Variants in ENOX2 observed in about 807,000 individuals in gnomAD.
ENOX2 encodes the protein ecto-NOX disulfide-thiol exchanger 2, also known as APK1 antigen.
Under a neutral mutation model 45.0 loss-of-function variants are expected in ENOX2, and 36 were observed. The ratio of observed to expected loss-of-function variants is 0.80; its 90% confidence interval spans 0.61 to 1.06. The LOEUF (loss-of-function observed/expected upper bound fraction) is 1.06, where lower values mean the gene tolerates loss of function less well. Ranked by LOEUF, ENOX2 falls within the 50% of genes least tolerant of loss-of-function variation. The pLI is 0.00. For missense variants in ENOX2, 423 were observed against 462.5 expected, an observed-to-expected ratio of 0.91 and a Z score of 0.78; for synonymous variants, 174 against 152.3, an observed-to-expected ratio of 1.14 and a Z score of -1.05.
intron 2 of ENOX2, among the ~76,000 whole-genome samples, chrX:130,864,514 T>C (rs755016972): frequency 8.9e-6 from 1 of 112,045 alleles, no homozygotes; most frequent in Non-Finnish European, 1.9e-5. Context: ...GCTGCTTTAA[T>C]GTGCTAAGTT....
chrX:130,713,686 T>C (rs773362130), intron 3 of ENOX2, among the ~76,000 whole-genome samples: 1 of 111,217 alleles, frequency 9.0e-6, no homozygotes, highest in South Asian at 3.9e-4. Context: ...TTATTCCATA[T>C]TTTCTTACCT....
intron 2 of ENOX2, among the ~76,000 whole-genome samples, chrX:130,816,932 A>T (rs1188910108): frequency 8.9e-6 from 1 of 111,943 alleles, no homozygotes; most frequent in African/African-American, 3.2e-5. Context: ...ACTGAAGGAG[A>T]TAGAGACACA....
At chrX:130,625,619 AGCGTTCCTCTGCTGT>A (rs2035523418) in intron 14 of ENOX2, among the ~76,000 whole-genome samples, 174 bp from the exon 15 acceptor site, 1 of 112,104 alleles carries the variant, frequency 8.9e-6, no homozygotes, top group African/African-American at 3.2e-5. Context: ...TCCAGCCAGC[AGCGTTCCTCTGCTGT>A]GACCATCAGA....
intron 13 of ENOX2, 35 bp from the exon 14 acceptor site, chrX:130,628,078 C>T: frequency 9.8e-7 from 1 of 1,020,676 alleles, no homozygotes; most frequent in Non-Finnish European, 1.4e-6. Flanking sequence ...TATACTTGAG[C>T]CTTGTATTTC....
At chrX:130,748,931 T>C in intron 3 of ENOX2, among the ~76,000 whole-genome samples, 1 of 111,706 alleles carries the variant, frequency 9.0e-6, no homozygotes, top group East Asian at 2.8e-4. Context: ...TGTAGACCTA[T>C]TCTCATTCTC....
chrX:130,646,220 T>C (rs1209069232), intron 10 of ENOX2: 10 of 459,912 alleles, frequency 2.2e-5, no homozygotes, highest in Non-Finnish European at 4.0e-5. Flanking sequence ...GAATTGTGCC[T>C]GGTCAAATGC....
chrX:130,765,017 G>A (rs2039584268), intron 3 of ENOX2, among the ~76,000 whole-genome samples: 1 of 111,165 alleles, frequency 9.0e-6, no homozygotes, highest in African/African-American at 3.3e-5. Flanking sequence ...GAAAAATGAG[G>A]AGTAGGAGGA....
In ENOX2 at chrX:130,657,109, A is replaced by C. The variant is rs772436394; in HGVS notation, c.1015-414T>G. Reference sequence around the variant, plus strand: ...CTGTCTTTTTATAGTTTTACTCAACATAACTCTTAATTGAGTTTTTGTAGT... The same window carrying C: ...CTGTCTTTTTATAGTTTTACTCAACCTAACTCTTAATTGAGTTTTTGTAGT... On this transcript the variant is annotated intron_variant, in intron 9 of 14. Transcript: ENST00000394363. 3.6e-5 allele frequency among the ~76,000 whole-genome samples: 4 copies of C among 112,071 alleles called. No individual in the cohort carries two copies. In the Admixed American group the frequency reaches 3.8e-4, roughly 11 times the overall value.
chrX:130,826,212 G>A (rs2077718046), intron 2 of ENOX2, among the ~76,000 whole-genome samples: 1 of 111,637 alleles, frequency 9.0e-6, no homozygotes, highest in Non-Finnish European at 1.9e-5. Flanking sequence ...AAAAACTAAA[G>A]TTAACCATGT....
intron 4 of ENOX2, among the ~76,000 whole-genome samples, chrX:130,698,143 C>T (rs1178127451): frequency 9.0e-6 from 1 of 111,297 alleles, no homozygotes; most frequent in Non-Finnish European, 1.9e-5. Context: ...GTGCTTGTTC[C>T]CAAATAAAAA....
intron 2 of ENOX2, among the ~76,000 whole-genome samples, chrX:130,793,076 C>A (rs991723699): frequency 2.7e-5 from 3 of 112,386 alleles, no homozygotes; most frequent in Non-Finnish European, 5.6e-5. Context: ...GTCACTTGAT[C>A]TCTCTCAGAC....
intron 14 of ENOX2, among the ~76,000 whole-genome samples, chrX:130,627,340 G>C (rs1468293901): frequency 8.9e-6 from 1 of 112,046 alleles, no homozygotes; most frequent in Non-Finnish European, 1.9e-5. Context: ...CAGCACTTTG[G>C]GAGGCCGAGG....
At chrX:130,658,922 A>C (rs1418671725) in intron 9 of ENOX2, among the ~76,000 whole-genome samples, 1 of 112,401 alleles carries the variant, frequency 8.9e-6, no homozygotes, top group East Asian at 2.8e-4. Context: ...TAATGGATAT[A>C]AACACAGACC....
intron 3 of ENOX2, among the ~76,000 whole-genome samples, chrX:130,725,438 C>A (rs2038581989): frequency 9.3e-6 from 1 of 107,838 alleles, no homozygotes; most frequent in Admixed American, 1.0e-4. Context: ...TTAGAAGCAA[C>A]AGAAATAAAA....
chrX:130,787,112 G>T (rs1306260182), intron 2 of ENOX2, among the ~76,000 whole-genome samples: 1 of 106,642 alleles, frequency 9.4e-6, no homozygotes, highest in African/African-American at 3.4e-5. Context: ...GGTGTGAGAT[G>T]ATATCTCATA....
chrX:130,680,109 T>G (rs914145068), intron 5 of ENOX2, among the ~76,000 whole-genome samples: 1 of 112,142 alleles, frequency 8.9e-6, no homozygotes, highest in Non-Finnish European at 1.9e-5. Flanking sequence ...GTTTAAACTG[T>G]TATTTTCAAG....
At chrX:130,677,960 G>A (rs1246862085) in intron 6 of ENOX2, among the ~76,000 whole-genome samples, 1 of 108,899 alleles carries the variant, frequency 9.2e-6, no homozygotes, top group Non-Finnish European at 1.9e-5. Context: ...GGTGGCAGGC[G>A]CCTGTAATCC....
rs193207598 is a variant in ENOX2, at chrX:130,875,358, G to T, written c.-183+26326C>A. The stretch of plus-strand genomic sequence containing the variant: ...AAAACCAAAACAATCTTAAAGAAGA[G>T]CAAAGTTGGAGGACTCTCATTTCCT... On this transcript the variant is annotated intron_variant, in intron 2 of 14. Transcript: ENST00000394363. Among the ~76,000 whole-genome samples the T allele has an allele frequency of 2.7e-5, 3 of 109,721 alleles. No homozygotes were observed. In the East Asian group the frequency reaches 8.6e-4, roughly 31 times the overall value.
At chrX:130,824,127 C>A (rs1294196723) in intron 2 of ENOX2, among the ~76,000 whole-genome samples, 1 of 111,899 alleles carries the variant, frequency 8.9e-6, no homozygotes, top group Non-Finnish European at 1.9e-5. Flanking sequence ...AAGGAACTGA[C>A]AGATTTCTTA....
Sources: allele counts gnomAD v4.1 joint callset (sites outside exome capture counted in the v4.1 genomes callset), GRCh38; gene constraint gnomAD v4.1.1; transcripts MANE v1.5; gene names NCBI Gene and HGNC (gene_info 2026-07-23, HGNC 2026-07-21).